Variants in RPTOR observed in about 807,000 individuals in gnomAD.
The protein encoded by RPTOR is regulatory-associated protein of mTOR.
Under a neutral mutation model 169.9 loss-of-function variants are expected in RPTOR, and 21 were observed. The observed-to-expected ratio is 0.12, with a 90% CI of 0.09 to 0.18. The LOEUF (loss-of-function observed/expected upper bound fraction) is 0.18, where lower values mean the gene tolerates loss of function less well. Among genes scored for constraint, RPTOR ranks in the 10% least tolerant of loss-of-function variants. The probability of loss-of-function intolerance (pLI) is 1.00; values close to 1 mark genes in which losing one functional copy is unlikely to be tolerated. For synonymous variants in RPTOR, 732 were observed against 753.2 expected (o/e 0.97, Z 0.46); for missense variants, 1,133 against 1,855.9 (o/e 0.61, Z 7.16).
At chr17:80,776,486 A>G (rs1450189800) in intron 6 of RPTOR, among the ~76,000 whole-genome samples, 1 of 151,844 alleles carries the variant, frequency 6.6e-6, no homozygotes, top group Non-Finnish European at 1.5e-5. Context: ...ACAATGCCCA[A>G]TACTAATTTT....
At chr17:80,839,895 C>T (rs988182764) in intron 10 of RPTOR, among the ~76,000 whole-genome samples, 1 of 152,210 alleles carries the variant, frequency 6.6e-6, no homozygotes, top group African/African-American at 2.4e-5. Context: ...AAGGATTTTA[C>T]TCTATCTATG....
chr17:80,564,571 A>G lies in RPTOR; in HGVS notation c.162+18780A>G, dbSNP rs143109235. 7.5e-3 allele frequency among the ~76,000 whole-genome samples: 1,108 copies of G among 148,404 alleles called. 23 individuals carry two copies. Among genetic ancestry groups the G allele is most frequent in the African/African-American group, 0.026 (1,062 of 40,120 alleles). ...CGTCACAGTGGTTTGTGTACAGATTATTTTGTCAGCCAGGTATTAAGCCTA... is the reference window on the plus strand; with the variant it reads ...CGTCACAGTGGTTTGTGTACAGATTGTTTTGTCAGCCAGGTATTAAGCCTA... On this transcript the variant is annotated intron_variant, in intron 1 of 33. Coordinates refer to ENST00000306801, the MANE Select transcript of RPTOR (RefSeq NM_020761.3).
intron 3 of RPTOR, among the ~76,000 whole-genome samples, chr17:80,689,394 C>T (rs781377383): frequency 5.3e-5 from 8 of 152,238 alleles, no homozygotes; most frequent in Non-Finnish European, 8.8e-5. Context: ...CCCTGACATC[C>T]GTCTTTCCGA....
At chr17:80,696,128 T>G (rs2066034337) in intron 3 of RPTOR, among the ~76,000 whole-genome samples, 1 of 152,148 alleles carries the variant, frequency 6.6e-6, no homozygotes, top group Admixed American at 6.5e-5. Context: ...TCCTCTCCCT[T>G]TTAAATTTCA....
chr17:80,880,055 A>T (rs1337853938), intron 13 of RPTOR, among the ~76,000 whole-genome samples: 2 of 152,082 alleles, frequency 1.3e-5, no homozygotes, highest in African/African-American at 4.8e-5. Flanking sequence ...GTTCTGAGTG[A>T]GTGCTGGATG....
chr17:80,750,600 C>T (rs1014529500), intron 5 of RPTOR, among the ~76,000 whole-genome samples: 2 of 152,220 alleles, frequency 1.3e-5, no homozygotes, highest in African/African-American at 2.4e-5. Flanking sequence ...TGTTGTGACG[C>T]GGGTCTGAGT....
At chr17:80,918,040 C>G (rs1400698790) in intron 21 of RPTOR, among the ~76,000 whole-genome samples, 1 of 152,230 alleles carries the variant, frequency 6.6e-6, no homozygotes, top group Non-Finnish European at 1.5e-5. Flanking sequence ...TGAGCCGCCC[C>G]AGGAATGTGG....
At chr17:80,582,670 C>T (rs369298047) in intron 1 of RPTOR, among the ~76,000 whole-genome samples, 35 of 151,116 alleles carry the variant, frequency 2.3e-4, no homozygotes, top group East Asian at 1.2e-3. Flanking sequence ...CTCAGCCTCC[C>T]GAGTAGTTGG....
At chr17:80,741,213 C>G (rs546492671) in intron 5 of RPTOR, among the ~76,000 whole-genome samples, 1 of 152,222 alleles carries the variant, frequency 6.6e-6, no homozygotes, top group African/African-American at 2.4e-5. Flanking sequence ...CCACACTGGG[C>G]ACTCAGCTGA....
intron 10 of RPTOR, 50 bp from the exon 11 acceptor site, chr17:80,846,423 G>A (rs1414152830): frequency 1.3e-6 from 2 of 1,571,296 alleles, no homozygotes; most frequent in Admixed American, 3.3e-5. Flanking sequence ...GCAAGACCAG[G>A]CCATCTGGGA....
At chr17:80,838,731 G>T (rs1281443215) in intron 10 of RPTOR, among the ~76,000 whole-genome samples, 1 of 152,230 alleles carries the variant, frequency 6.6e-6, no homozygotes, top group Non-Finnish European at 1.5e-5. Context: ...GGCAGAGGCA[G>T]GAGGGGACCA....
At chr17:80,710,288 C>T (rs867345372) in intron 4 of RPTOR, among the ~76,000 whole-genome samples, 6 of 152,070 alleles carry the variant, frequency 3.9e-5, no homozygotes, top group Non-Finnish European at 8.8e-5. Flanking sequence ...GCCACTGCGC[C>T]CCGCTCCCAG....
chr17:80,871,023 A>G (rs1052315336), intron 13 of RPTOR, among the ~76,000 whole-genome samples: 3 of 151,036 alleles, frequency 2.0e-5, no homozygotes, highest in African/African-American at 7.3e-5. Context: ...AGTTTCCCAG[A>G]CTCTCCTTGT....
intron 2 of RPTOR, among the ~76,000 whole-genome samples, chr17:80,638,150 A>G (rs1272702365): frequency 6.6e-6 from 1 of 152,254 alleles, no homozygotes; most frequent in Non-Finnish European, 1.5e-5. Flanking sequence ...AGGCCAGAGA[A>G]TGCTGCGGTA....
intron 7 of RPTOR, among the ~76,000 whole-genome samples, chr17:80,807,198 A>C (rs891746904): frequency 6.6e-6 from 1 of 152,222 alleles, no homozygotes; most frequent in African/African-American, 2.4e-5. Flanking sequence ...GTTTTGTTTT[A>C]AAATAGAGAC....
rs548409186 is a variant in RPTOR, at chr17:80,883,477, C to A, written c.1643C>A (p.Thr548Lys). 6.2e-6 allele frequency: 10 copies of A among 1,614,040 alleles called. No individual in the cohort carries two copies. In the East Asian group the frequency reaches 2.2e-4, roughly 36 times the overall value. The part of the protein sequence containing the change: ...ILAVIVNSYH[T>K]GQEACLQGNL... ...GCCGTGATCGTCAACAGCTATCACACGGGGCAGGTGAGCCCCCCAGCCACC... is the reference window on the plus strand; with the variant it reads ...GCCGTGATCGTCAACAGCTATCACAAGGGGCAGGTGAGCCCCCCAGCCACC... The change falls in exon 15 of 34, where the codon ACG (threonine) becomes AAG (lysine). Residue 548 changes from threonine to lysine, a missense_variant. By Grantham distance (78) the Thr-to-Lys change is moderately conservative. This residue lies in a region of RPTOR where 289 missense variants were observed against 585.8 expected (regional missense o/e 0.49). Transcript: ENST00000306801.
chr17:80,589,912 C>T (rs374570161), intron 1 of RPTOR, among the ~76,000 whole-genome samples: 4 of 152,284 alleles, frequency 2.6e-5, no homozygotes, highest in African/African-American at 9.6e-5. Flanking sequence ...TCTATCTGTG[C>T]TACACTGACC....
chr17:80,789,169 T>C (rs2067022865), intron 6 of RPTOR, among the ~76,000 whole-genome samples: 1 of 152,270 alleles, frequency 6.6e-6, no homozygotes, highest in African/African-American at 2.4e-5. Flanking sequence ...CTCTGTGTAC[T>C]AATTCCAATA....
chr17:80,923,402 G>A, intron 22 of RPTOR, 88 bp from the exon 23 acceptor site: 4 of 1,454,670 alleles, frequency 2.7e-6, no homozygotes, highest in Middle Eastern at 1.7e-4. Flanking sequence ...CTGGGAGGGT[G>A]CAGGTGGCCC....
Sources: gnomAD v4.1 joint callset for allele counts (sites outside exome capture counted in the v4.1 genomes callset) on GRCh38, gnomAD v4.1.1 for gene constraint, gnomAD v4.1.1 regional missense constraint, MANE v1.5 for transcripts, NCBI Gene and HGNC (gene_info 2026-07-23, HGNC 2026-07-21) for gene names.